The following DNAI3 variants were observed in gnomAD, a reference collection of about 807,000 sequenced individuals.
DNAI3 encodes dynein axonemal intermediate chain 3, also known as WD repeat domain 63.
In DNAI3, 83 loss-of-function variants were observed where a neutral mutation model predicts 115.5. That is an observed-to-expected ratio of 0.72 (90% CI 0.60 to 0.86). DNAI3 has a LOEUF of 0.86. Ranked by LOEUF, DNAI3 falls within the 40% of genes least tolerant of loss-of-function variation. DNAI3 has a pLI of 0.00. For missense variants in DNAI3, 1,004 were observed against 1,075.8 expected, an observed-to-expected ratio of 0.93 and a Z score of 0.93; for synonymous variants, 320 against 347.0, an observed-to-expected ratio of 0.92 and a Z score of 0.86.
At chr1:85,109,960 G>T in intron 15 of DNAI3, 88 bp from the exon 16 acceptor site, 1 of 1,251,684 alleles carries the variant, frequency 8.0e-7, no homozygotes, top group Non-Finnish European at 1.1e-6. Flanking sequence ...CCTTCAATAT[G>T]GGAGCAGAAG....
chr1:85,122,552 T>G (rs933037473), intron 18 of DNAI3, among the ~76,000 whole-genome samples: 1 of 152,264 alleles, frequency 6.6e-6, no homozygotes, highest in African/African-American at 2.4e-5. Flanking sequence ...TTTCACAGTT[T>G]GGGATAACCA....
chr1:85,105,779 A>G (rs1288027363), intron 14 of DNAI3, among the ~76,000 whole-genome samples: 1 of 152,182 alleles, frequency 6.6e-6, no homozygotes, highest in Non-Finnish European at 1.5e-5. Flanking sequence ...TGAATGAATC[A>G]GTGCCAATCA....
At chr1:85,106,913 A>G (rs1655505376) in intron 14 of DNAI3, among the ~76,000 whole-genome samples, 1 of 152,246 alleles carries the variant, frequency 6.6e-6, no homozygotes, top group South Asian at 2.1e-4. Context: ...TAAGAGCTAA[A>G]ACTAGAAAAC....
chr1:85,109,174 G>A (rs958176802), intron 15 of DNAI3, among the ~76,000 whole-genome samples: 3 of 152,158 alleles, frequency 2.0e-5, no homozygotes, highest in African/African-American at 7.2e-5. Flanking sequence ...GTTTTAATTT[G>A]AGAAAAATAT....
chr1:85,109,754 T>C (rs1655597063), intron 15 of DNAI3, among the ~76,000 whole-genome samples: 1 of 152,200 alleles, frequency 6.6e-6, no homozygotes, highest in Non-Finnish European at 1.5e-5. Flanking sequence ...CTCTTAAGGA[T>C]GTATTATGGA....
chr1:85,081,217 C>T lies in DNAI3; in HGVS notation c.104-17C>T, dbSNP rs367994093. On this transcript the variant is annotated splice_polypyrimidine_tract_variant and intron_variant, in intron 3 of 22. Transcript: ENST00000294664. Reference sequence around the variant, plus strand: ...GTGGTCATATTTAATGTCCAAATTCCACTTTGTCTTTCCTAGGTCATCCAG... The same window carrying T: ...GTGGTCATATTTAATGTCCAAATTCTACTTTGTCTTTCCTAGGTCATCCAG... The T allele has an allele frequency of 6.5e-7, 1 of 1,530,026 alleles. No homozygotes were observed. Among genetic ancestry groups the T allele is most frequent in the African/African-American group, 1.4e-5 (1 of 69,422 alleles). The allele number at this position is 1,530,026 out of a possible 1,614,324, so 94.8% of individuals were successfully genotyped here.
chr1:85,065,594 G>A (rs1261400341), intron 1 of DNAI3, among the ~76,000 whole-genome samples: 1 of 152,090 alleles, frequency 6.6e-6, no homozygotes, highest in East Asian at 1.9e-4. Flanking sequence ...GAGTGGCAAT[G>A]GCCTTTATGC....
chr1:85,072,654 AG>A (rs1195542399), intron 2 of DNAI3, among the ~76,000 whole-genome samples: 6 of 99,498 alleles, frequency 6.0e-5, no homozygotes, highest in Non-Finnish European at 1.1e-4. Flanking sequence ...AAAAAAAAAA[AG>A]AAAAATAAAA....
intron 2 of DNAI3, 78 bp downstream of exon 2, chr1:85,072,083 T>C: frequency 1.5e-6 from 2 of 1,322,646 alleles, no homozygotes. Flanking sequence ...ATTATGGTTT[T>C]ACATATCAAA....
chr1:85,129,533 T>G (rs1656251969), intron 21 of DNAI3, among the ~76,000 whole-genome samples: 1 of 152,140 alleles, frequency 6.6e-6, no homozygotes, highest in South Asian at 2.1e-4. Context: ...ACATTGATAC[T>G]CTCATCTGGG....
chr1:85,091,628 T>C (rs369456642), intron 8 of DNAI3, among the ~76,000 whole-genome samples: 2 of 152,278 alleles, frequency 1.3e-5, no homozygotes, highest in East Asian at 1.9e-4. Context: ...GGGAAATTTC[T>C]TTCTCATAGA....
intron 16 of DNAI3, among the ~76,000 whole-genome samples, chr1:85,113,821 AC>A (rs1381806853): frequency 1.3e-5 from 2 of 152,130 alleles, no homozygotes; most frequent in Non-Finnish European, 2.9e-5. Context: ...ACCCATAAAC[AC>A]AGTATATCTG....
chr1:85,114,577 A>G (rs141155300), intron 16 of DNAI3, among the ~76,000 whole-genome samples: 1 of 152,310 alleles, frequency 6.6e-6, no homozygotes, highest in African/African-American at 2.4e-5. Context: ...AGGTCACTCT[A>G]TGGCCATGAT....
At chr1:85,102,321 C>G (rs773526253) in intron 13 of DNAI3, among the ~76,000 whole-genome samples, 1 of 151,502 alleles carries the variant, frequency 6.6e-6, no homozygotes, top group South Asian at 2.1e-4. Context: ...CACATATACC[C>G]CCCAAATATG....
At chr1:85,094,607 T>C in intron 10 of DNAI3, 52 bp downstream of exon 10, 1 of 1,594,614 alleles carries the variant, frequency 6.3e-7, no homozygotes, top group Non-Finnish European at 8.5e-7. Flanking sequence ...ACTACTTTCA[T>C]GTATACCTTT....
intron 5 of DNAI3, 119 bp from the exon 6 acceptor site, chr1:85,084,427 T>C (rs1654734513): frequency 4.0e-6 from 3 of 747,086 alleles, no homozygotes; most frequent in Non-Finnish European, 5.4e-6. Context: ...CAAAAAAAAG[T>C]AAAAAGGTGC....
chr1:85,099,834 T>C (rs930656216), intron 13 of DNAI3, among the ~76,000 whole-genome samples: 3 of 152,192 alleles, frequency 2.0e-5, no homozygotes, highest in Non-Finnish European at 4.4e-5. Context: ...TACAACCATC[T>C]GATCTTTGAC....
rs1655198727 is a variant in DNAI3 at position 85,098,640 on chromosome 1, G to A, written c.1461G>A (p.Trp487Ter). Residue 487 changes from tryptophan to a stop codon, truncating the protein, a stop_gained, in exon 13 of 23, where the codon TGG becomes TGA. Transcript: ENST00000294664. LOFTEE classifies it high-confidence loss of function. Reference protein sequence around the residue: ...GHKKVITDIHWLSDTFEINRM... With the variant: ...GHKKVITDIH ...AGAAAGTAATTACAGATATACACTG[G>A]TTGTCTGACACATTTGAGGTGAGAC... 2 of 1,612,770 alleles carry A rather than the reference G, an allele frequency of 1.2e-6. No homozygotes were observed. Among genetic ancestry groups the A allele is most frequent in the African/African-American group, 1.3e-5 (1 of 74,868 alleles).
chr1:85,063,135 T>G (rs2100546318), intron 1 of DNAI3, among the ~76,000 whole-genome samples: 1 of 152,344 alleles, frequency 6.6e-6, no homozygotes, highest in Non-Finnish European at 1.5e-5. Context: ...TTTGAAGCCC[T>G]CTGCCTTTGC....
Sources: gnomAD v4.1 joint callset for allele counts (sites outside exome capture counted in the v4.1 genomes callset) on GRCh38, gnomAD v4.1.1 for gene constraint, MANE v1.5 for transcripts, NCBI Gene and HGNC (gene_info 2026-07-23, HGNC 2026-07-21) for gene names.